Variants in ARMC6 observed in about 807,000 individuals in gnomAD.
The protein encoded by ARMC6 is armadillo repeat-containing protein 6.
Under a neutral mutation model 49.2 loss-of-function variants are expected in ARMC6, and 43 were observed. That is an observed-to-expected ratio of 0.87 (90% CI 0.69 to 1.13). The LOEUF is 1.13. Ranked by LOEUF, ARMC6 falls within the 50% of genes most tolerant of loss-of-function variation. The probability of loss-of-function intolerance (pLI) is 0.00; values close to 1 mark genes in which losing one functional copy is unlikely to be tolerated. For missense variants in ARMC6, 627 were observed against 682.0 expected, an observed-to-expected ratio of 0.92 and a Z score of 0.90; for synonymous variants, 262 against 289.6, an observed-to-expected ratio of 0.90 and a Z score of 0.97.
At chr19:19,056,010 G>A in intron 8 of ARMC6, 82 bp downstream of exon 8, 1 of 1,466,364 alleles carries the variant, frequency 6.8e-7, no homozygotes. Context: ...AGCAGGTGCG[G>A]TGTGCGGGTG....
intron 4 of ARMC6, among the ~76,000 whole-genome samples, chr19:19,044,608 C>A (rs1220667020): frequency 6.6e-6 from 1 of 152,218 alleles, no homozygotes; most frequent in Non-Finnish European, 1.5e-5. Flanking sequence ...CAATGCTTTC[C>A]GTAAGGTCGC....
At position 19,052,195 on chromosome 19, in the gene ARMC6, G is replaced by T. The variant is rs1170419887; in HGVS notation, c.853G>T (p.Ala285Ser). The change falls in exon 5 of 9, where the codon GCG becomes TCG. Residue 285 changes from alanine (A) to serine (S), a missense_variant and splice_region_variant. By Grantham distance (99) the Ala-to-Ser change is moderately conservative. Transcript: ENST00000535612. ...GAAGGTGCTCATCGAAGCCACCAAA[G>T]GTAAGAGCTGGGGGCCGACACGAGC... ...GLKVLIEATKAFLDNPGILSE... is the reference protein window; with the variant it reads ...GLKVLIEATKSFLDNPGILSE... 2 of 1,589,094 alleles carry T rather than the reference G, an allele frequency of 1.3e-6. No individual in the cohort carries two copies. Among genetic ancestry groups the T allele is most frequent in the Non-Finnish European group, 1.7e-6 (2 of 1,167,786 alleles).
chr19:19,045,947 G>A (rs867924680), intron 4 of ARMC6, among the ~76,000 whole-genome samples: 4 of 151,714 alleles, frequency 2.6e-5, no homozygotes, highest in Admixed American at 6.6e-5. Flanking sequence ...CACTATGCCC[G>A]GCCTATTATG....
At chr19:19,044,678 G>T (rs867345558) in intron 4 of ARMC6, among the ~76,000 whole-genome samples, 2 of 152,358 alleles carry the variant, frequency 1.3e-5, no homozygotes, top group South Asian at 4.1e-4. Context: ...TGTGGGCCTG[G>T]TTCTGTGCAG....
chr19:19,048,202 C>G (rs902779141), intron 4 of ARMC6, among the ~76,000 whole-genome samples: 1 of 152,040 alleles, frequency 6.6e-6, no homozygotes, highest in African/African-American at 2.4e-5. Context: ...AAAAATTAAC[C>G]GGGCATGGTG....
At chr19:19,038,742 A>G (rs2059389504) in intron 2 of ARMC6, among the ~76,000 whole-genome samples, 1 of 151,734 alleles carries the variant, frequency 6.6e-6, no homozygotes, top group Admixed American at 6.6e-5. Flanking sequence ...ATTTTTGTAT[A>G]TTTAGTAGAG....
Position 19,042,876 on chromosome 19 carries a change from A to T in ARMC6, c.195A>T (p.Gln65His). 6.2e-7 allele frequency: 1 copy of T among 1,613,674 alleles called. No homozygotes were observed. Among genetic ancestry groups the T allele is most frequent in the Non-Finnish European group, 8.5e-7 (1 of 1,179,998 alleles). Reference sequence around the variant, plus strand: ...AGGCCGTGGAGCAGTTTGAATCGCAAGGTAGGGTGGTGTGACTGTCACCTA... The same window carrying T: ...AGGCCGTGGAGCAGTTTGAATCGCATGGTAGGGTGGTGTGACTGTCACCTA... ...VKEAVEQFES[Q>H]GVDLSNIVKT... Residue 65 changes from glutamine to histidine, a missense_variant and splice_region_variant, in exon 3 of 9, where the codon CAA becomes CAT. Gln to His is a conservative substitution (Grantham distance 24, BLOSUM62 0). Transcript: ENST00000535612.
At chr19:19,050,761 G>A (rs188643186) in intron 4 of ARMC6, among the ~76,000 whole-genome samples, 1 of 152,294 alleles carries the variant, frequency 6.6e-6, no homozygotes, top group Non-Finnish European at 1.5e-5. Flanking sequence ...GCTCAGTGAG[G>A]ATTATCCCAT....
intron 2 of ARMC6, chr19:19,037,566 C>T (rs1688727852): frequency 2.1e-6 from 2 of 949,612 alleles, no homozygotes; most frequent in Non-Finnish European, 2.9e-6. Flanking sequence ...GGAGTTTCGC[C>T]ACGTGTCCAG....
At chr19:19,054,125 C>G (rs1293349130) in intron 5 of ARMC6, 27 bp from the exon 6 acceptor site, 1 of 1,498,278 alleles carries the variant, frequency 6.7e-7, no homozygotes, top group African/African-American at 1.4e-5. Flanking sequence ...TTCCCGCCCC[C>G]ACCACCGTCT....
intron 4 of ARMC6, among the ~76,000 whole-genome samples, chr19:19,050,158 G>C (rs2059484184): frequency 1.3e-5 from 2 of 152,100 alleles, no homozygotes; most frequent in Admixed American, 6.6e-5. Context: ...TGTCATTGTA[G>C]TGTTTTTTTG....
intron 2 of ARMC6, among the ~76,000 whole-genome samples, chr19:19,035,644 G>A (rs1028206473): frequency 2.6e-5 from 4 of 152,202 alleles, no homozygotes; most frequent in Non-Finnish European, 1.5e-5. Flanking sequence ...GGGGTTGTGG[G>A]TTGGGGAGTG....
intron 6 of ARMC6, among the ~76,000 whole-genome samples, chr19:19,054,808 C>T (rs2059529815): frequency 6.6e-6 from 1 of 152,200 alleles, no homozygotes; most frequent in Non-Finnish European, 1.5e-5. Context: ...CAGCCTCTTT[C>T]TGTGCAAGTG....
chr19:19,035,397 C>G (rs2059353928), intron 2 of ARMC6, among the ~76,000 whole-genome samples: 1 of 152,254 alleles, frequency 6.6e-6, no homozygotes, highest in Non-Finnish European at 1.5e-5. Flanking sequence ...TTACCCTCAG[C>G]ATGCCCTGAT....
chr19:19,034,092 C>T (rs866097117), intron 1 of ARMC6, 39 bp from the exon 2 acceptor site: 6 of 701,058 alleles, frequency 8.6e-6, no homozygotes, highest in Middle Eastern at 6.5e-4. Flanking sequence ...GCTTCCCTGG[C>T]ATTCGCTTTA....
intron 6 of ARMC6, among the ~76,000 whole-genome samples, 158 bp downstream of exon 6, chr19:19,054,479 G>T (rs531381310): frequency 2.1e-4 from 32 of 152,232 alleles, no homozygotes; most frequent in African/African-American, 7.5e-4. Context: ...GGTCGGGGGG[G>T]AAACAAACCC....
At chr19:19,042,628 C>T in intron 2 of ARMC6, 83 bp from the exon 3 acceptor site, 1 of 1,461,954 alleles carries the variant, frequency 6.8e-7, no homozygotes, top group African/African-American at 1.4e-5. Flanking sequence ...TAGATGCTTC[C>T]TAAGTGGCGT....
At position 19,051,760 on chromosome 19, in the gene ARMC6, A is replaced by T; in HGVS notation, c.418A>T (p.Ile140Phe). Residue 140 changes from isoleucine to phenylalanine, a missense_variant, in exon 5 of 9, where the codon ATC becomes TTC. By Grantham distance (21) the Ile-to-Phe change is conservative. Coordinates refer to ENST00000535612, the MANE Select transcript of ARMC6 (RefSeq NM_001199196.2). ...LAAQKGAYPIIFTAWKLATAG... is the reference protein window; with the variant it reads ...LAAQKGAYPIFFTAWKLATAG... ...GGCCCAGAAGGGGGCCTACCCCATC[A>T]TCTTCACTGCCTGGAAGCTGGCCAC... The T allele has an allele frequency of 6.2e-7, 1 of 1,614,008 alleles. No individual in the cohort carries two copies. Among genetic ancestry groups the T allele is most frequent in the South Asian group, 1.1e-5 (1 of 91,084 alleles).
chr19:19,052,865 G>C (rs1318807713), intron 5 of ARMC6, among the ~76,000 whole-genome samples: 1 of 152,160 alleles, frequency 6.6e-6, no homozygotes, highest in East Asian at 1.9e-4. Context: ...GCCCACCTCA[G>C]TCTCCCTTCC....
Sources: gnomAD v4.1 joint callset for allele counts (sites outside exome capture counted in the v4.1 genomes callset) on GRCh38, gnomAD v4.1.1 for gene constraint, MANE v1.5 for transcripts, NCBI Gene and HGNC (gene_info 2026-07-23, HGNC 2026-07-21) for gene names.